Variants in ZNF25 observed in about 807,000 individuals in gnomAD.
The protein encoded by ZNF25 is zinc finger protein 25.
ZNF25 carries 21 observed loss-of-function variants against 30.9 expected under a neutral mutation model. The observed-to-expected ratio is 0.68, with a 90% CI of 0.48 to 0.98. The LOEUF (loss-of-function observed/expected upper bound fraction) is 0.98, where lower values mean the gene tolerates loss of function less well. Ranked by LOEUF, ZNF25 falls within the 50% of genes least tolerant of loss-of-function variation. The probability of loss-of-function intolerance (pLI) is 0.00; values close to 1 mark genes in which losing one functional copy is unlikely to be tolerated. For synonymous variants in ZNF25, 169 were observed against 181.3 expected, an observed-to-expected ratio of 0.93 and a Z score of 0.55; for missense variants, 501 against 529.9, an observed-to-expected ratio of 0.95 and a Z score of 0.54.
intron 2 of ZNF25, among the ~76,000 whole-genome samples, chr10:37,964,291 T>C (rs976098140): frequency 2.6e-5 from 4 of 152,022 alleles, no homozygotes; most frequent in East Asian, 1.9e-4. Flanking sequence ...CCTGAAAATA[T>C]AGAAGCAGCT....
At chr10:37,973,646 G>A (rs2063626402) in intron 1 of ZNF25, among the ~76,000 whole-genome samples, 1 of 150,684 alleles carries the variant, frequency 6.6e-6, no homozygotes, top group Non-Finnish European at 1.5e-5. Flanking sequence ...TATTAAAATG[G>A]AAAGATATCC....
intron 2 of ZNF25, among the ~76,000 whole-genome samples, chr10:37,969,282 G>A (rs918168439): frequency 2.0e-5 from 3 of 152,026 alleles, no homozygotes; most frequent in African/African-American, 4.8e-5. Flanking sequence ...GTATATACCC[G>A]AAATAATTGA....
chr10:37,976,442 G>A (rs1003807330), intron 1 of ZNF25, 64 bp downstream of exon 1: 3 of 152,248 alleles, frequency 2.0e-5, no homozygotes, highest in African/African-American at 7.2e-5. Context: ...GGGCCAGGAG[G>A]CGGCTTCCAG....
chr10:37,970,148 C>A (rs1237576480), intron 2 of ZNF25, among the ~76,000 whole-genome samples: 2 of 152,040 alleles, frequency 1.3e-5, no homozygotes, highest in African/African-American at 4.8e-5. Flanking sequence ...TATCCCAACC[C>A]CTAAAATCTG....
Position 37,952,476 on chromosome 10 carries a change from G to C in ZNF25, c.1022C>G (p.Pro341Arg), listed in dbSNP as rs762910704. Residue 341 changes from proline (P) to arginine (R), a missense_variant, in exon 6 of 6, where the codon CCC becomes CGC. By Grantham distance (103) the Pro-to-Arg change is moderately radical. Transcript: ENST00000302609. ...TTTCCCACATTTATTACATTCAAAG[G>C]GTTTCTCCCCTGTGTGAGTTCGCTG... ...VHQRTHTGEKPFECNKCGKTF... is the reference protein window; with the variant it reads ...VHQRTHTGEKRFECNKCGKTF... 1.2e-6 allele frequency: 2 copies of C among 1,613,220 alleles called. No homozygotes were observed. Among genetic ancestry groups the C allele is most frequent in the African/African-American group, 2.7e-5 (2 of 74,904 alleles).
intron 2 of ZNF25, among the ~76,000 whole-genome samples, chr10:37,964,050 T>A (rs1203780948): frequency 1.3e-5 from 2 of 152,148 alleles, no homozygotes; most frequent in Non-Finnish European, 2.9e-5. Flanking sequence ...ACTGTCACTA[T>A]GTGATGTACT....
At chr10:37,975,945 TTC>T (rs1308715585) in intron 1 of ZNF25, among the ~76,000 whole-genome samples, 1 of 152,144 alleles carries the variant, frequency 6.6e-6, no homozygotes, top group Non-Finnish European at 1.5e-5. Flanking sequence ...GTAAACGGAT[TTC>T]TCTCTCTGAA....
chr10:37,976,196 C>T (rs2063801680), intron 1 of ZNF25, among the ~76,000 whole-genome samples: 2 of 152,236 alleles, frequency 1.3e-5, no homozygotes, highest in Non-Finnish European at 2.9e-5. Context: ...CCAGAGCCCA[C>T]GTCCCTGCGG....
chr10:37,956,734 T>C (rs1226429047), intron 4 of ZNF25, among the ~76,000 whole-genome samples: 3 of 151,676 alleles, frequency 2.0e-5, no homozygotes, highest in Admixed American at 6.6e-5. Flanking sequence ...CTGACCAACA[T>C]GGAGAAACCC....
intron 2 of ZNF25, among the ~76,000 whole-genome samples, chr10:37,963,482 T>C (rs1029059023): frequency 6.6e-5 from 10 of 152,142 alleles, no homozygotes; most frequent in Non-Finnish European, 7.4e-5. Context: ...TGTGTGGCAC[T>C]TTTTTCTTAC....
chr10:37,976,210 T>C (rs1233391143), intron 1 of ZNF25, among the ~76,000 whole-genome samples: 1 of 152,210 alleles, frequency 6.6e-6, no homozygotes, highest in Non-Finnish European at 1.5e-5. Context: ...CCTGCGGCTT[T>C]GGAGCGCCGC....
Position 37,957,448 on chromosome 10 carries a change from C to G in ZNF25, c.114G>C (p.Leu38=). ...AQRTLYKDVM[L]ENYSHLVSVG... ...CTGAGACAAGGTGACTATAGTTTTC[C>G]AGCATCACATCCTTATACAGAGTCC... The change falls in exon 3 of 6, where the codon CTG becomes CTC. Residue 38 remains leucine (L), a synonymous_variant. Coordinates refer to ENST00000302609, the MANE Select transcript of ZNF25 (RefSeq NM_145011.4). 1 of 1,613,410 alleles carries G rather than the reference C, an allele frequency of 6.2e-7. No homozygotes were observed.
chr10:37,953,178 T>C lies in ZNF25; in HGVS notation c.320A>G (p.Lys107Arg). Residue 107 changes from lysine to arginine, a missense_variant, in exon 6 of 6, where the codon AAA becomes AGA. By Grantham distance (26) the Lys-to-Arg change is conservative (BLOSUM62 2). Transcript: ENST00000302609. Reference sequence around the variant, plus strand: ...CTCTGTGGTATGAGTTTTCTGATGTTTTGTGAGTTCTCCATTCCTAGACAG... The same window carrying C: ...CTCTGTGGTATGAGTTTTCTGATGTCTTGTGAGTTCTCCATTCCTAGACAG... The part of the protein sequence containing the change: ...AGNSRNGELT[K>R]HQKTHTTEKA... 1 of 1,585,714 alleles carries C rather than the reference T, an allele frequency of 6.3e-7. No individual in the cohort carries two copies. The highest frequency in any genetic ancestry group is 8.5e-7 in the Non-Finnish European group (1 of 1,171,758).
At chr10:37,968,567 G>C (rs1024555133) in intron 2 of ZNF25, among the ~76,000 whole-genome samples, 2 of 151,946 alleles carry the variant, frequency 1.3e-5, no homozygotes, top group Non-Finnish European at 2.9e-5. Context: ...TGTTGACCAG[G>C]CTGGTCTGAA....
intron 1 of ZNF25, among the ~76,000 whole-genome samples, chr10:37,976,004 G>T (rs1360490260): frequency 6.6e-6 from 1 of 152,172 alleles, no homozygotes; most frequent in East Asian, 1.9e-4. Flanking sequence ...AAGTCGAAAG[G>T]ATGGTTACGA....
At chr10:37,972,334 G>T (rs1403857863) in intron 1 of ZNF25, among the ~76,000 whole-genome samples, 2 of 152,134 alleles carry the variant, frequency 1.3e-5, no homozygotes, top group Admixed American at 6.6e-5. Flanking sequence ...TGAACTTAAA[G>T]ACTCAGTTCT....
chr10:37,972,172 ACATAT>A (rs2063528522), intron 1 of ZNF25, among the ~76,000 whole-genome samples: 1 of 152,242 alleles, frequency 6.6e-6, no homozygotes, highest in African/African-American at 2.4e-5. Flanking sequence ...TAATTAAGTT[ACATAT>A]CATAACCATT....
intron 2 of ZNF25, among the ~76,000 whole-genome samples, chr10:37,969,865 A>G (rs546216000): frequency 6.6e-6 from 1 of 152,344 alleles, no homozygotes; most frequent in East Asian, 1.9e-4. Context: ...ATAAGCCAGA[A>G]ACAATACCAA....
At chr10:37,958,326 T>C (rs977295860) in intron 2 of ZNF25, among the ~76,000 whole-genome samples, 3 of 152,130 alleles carry the variant, frequency 2.0e-5, no homozygotes, top group Admixed American at 2.0e-4. Context: ...AAAACACAAC[T>C]GGCAAAGGCA....
Sources: allele counts gnomAD v4.1 joint callset (sites outside exome capture counted in the v4.1 genomes callset), GRCh38; gene constraint gnomAD v4.1.1; transcripts MANE v1.5; gene names NCBI Gene and HGNC (gene_info 2026-07-23, HGNC 2026-07-21).